SPIDR: variants seen among roughly 807,000 people sequenced by gnomAD.
The protein encoded by SPIDR is DNA repair-scaffolding protein.
SPIDR carries 93 observed loss-of-function variants against 104.6 expected under a neutral mutation model. The observed-to-expected ratio is 0.89, with a 90% confidence interval of 0.75 to 1.06. The LOEUF is 1.06. Ranked by LOEUF, SPIDR falls within the 50% of genes least tolerant of loss-of-function variation. The pLI, the probability that SPIDR is intolerant of heterozygous loss-of-function variation, is 0.00. For missense variants in SPIDR, 1,154 were observed against 1,111.2 expected (o/e 1.04, Z -0.55); for synonymous variants, 431 against 416.9 (o/e 1.03, Z -0.41).
chr8:47,566,958 C>T (rs887892201), intron 8 of SPIDR, among the ~76,000 whole-genome samples: 1 of 152,160 alleles, frequency 6.6e-6, no homozygotes, highest in Non-Finnish European at 1.5e-5. Flanking sequence ...ATTTATCATT[C>T]ATTCAGCAAA....
chr8:47,358,596 A>G (rs1554627501), intron 5 of SPIDR, among the ~76,000 whole-genome samples: 1 of 152,130 alleles, frequency 6.6e-6, no homozygotes, highest in African/African-American at 2.4e-5. Context: ...TCCCACAACA[A>G]TCTTGTGAAG....
At chr8:47,436,788 C>T (rs1346872702) in intron 7 of SPIDR, among the ~76,000 whole-genome samples, 1 of 152,168 alleles carries the variant, frequency 6.6e-6, no homozygotes, top group Non-Finnish European at 1.5e-5. Flanking sequence ...TTGCTTTTTT[C>T]TCTCTCAGAC....
intron 8 of SPIDR, among the ~76,000 whole-genome samples, chr8:47,588,214 G>A (rs1309180092): frequency 2.0e-5 from 3 of 149,186 alleles, no homozygotes; most frequent in African/African-American, 7.4e-5. Flanking sequence ...CCATAAATAT[G>A]TCTTCCATTT....
chr8:47,294,565 A>T (rs1306647409), intron 5 of SPIDR: 2 of 152,928 alleles, frequency 1.3e-5, no homozygotes, highest in African/African-American at 4.8e-5. Context: ...CTAGGAGGAT[A>T]CACAGGACTT....
At chr8:47,703,840 C>T (rs777822309) in intron 14 of SPIDR, among the ~76,000 whole-genome samples, 5 of 152,008 alleles carry the variant, frequency 3.3e-5, no homozygotes, top group East Asian at 1.9e-4. Context: ...CCTGGTGTCC[C>T]GTAGGTTGTA....
intron 5 of SPIDR, among the ~76,000 whole-genome samples, chr8:47,316,982 A>G (rs981882608): frequency 2.6e-5 from 4 of 152,204 alleles, no homozygotes; most frequent in Admixed American, 1.3e-4. Context: ...TGGAGCCAAG[A>G]TGGCTGAATG....
intron 7 of SPIDR, among the ~76,000 whole-genome samples, chr8:47,438,766 A>G (rs1554694214): frequency 6.6e-6 from 1 of 152,222 alleles, no homozygotes; most frequent in African/African-American, 2.4e-5. Context: ...TGTCCAAGAC[A>G]GTGCTTAGGG....
intron 6 of SPIDR, among the ~76,000 whole-genome samples, chr8:47,400,871 GA>G (rs745821064): frequency 6.6e-6 from 1 of 152,050 alleles, no homozygotes; most frequent in Non-Finnish European, 1.5e-5. Context: ...TGGTGTACCT[GA>G]AAGTTACAGG....
intron 5 of SPIDR, among the ~76,000 whole-genome samples, chr8:47,347,048 G>C (rs1005859337): frequency 6.6e-6 from 1 of 151,930 alleles, no homozygotes; most frequent in Non-Finnish European, 1.5e-5. Flanking sequence ...GTGATGTTAG[G>C]GTGTCGATTT....
intron 5 of SPIDR, among the ~76,000 whole-genome samples, chr8:47,322,075 G>A (rs1251931887): frequency 6.6e-5 from 10 of 152,206 alleles, no homozygotes; most frequent in Non-Finnish European, 1.0e-4. Context: ...CAATGGCAAC[G>A]AAAGCCAAAA....
chr8:47,432,372 G>A (rs910020474), intron 7 of SPIDR, among the ~76,000 whole-genome samples: 1 of 152,122 alleles, frequency 6.6e-6, no homozygotes, highest in African/African-American at 2.4e-5. Context: ...CTGGGTACAC[G>A]CAAAGTGCAG....
chr8:47,444,773 G>C (rs1563991062), intron 8 of SPIDR, among the ~76,000 whole-genome samples: 1 of 152,290 alleles, frequency 6.6e-6, no homozygotes, highest in East Asian at 1.9e-4. Flanking sequence ...GGTTGAAGCT[G>C]TCTCAGCTGC....
intron 10 of SPIDR, among the ~76,000 whole-genome samples, chr8:47,619,734 T>C (rs543160552): frequency 3.3e-5 from 5 of 151,974 alleles, no homozygotes; most frequent in African/African-American, 1.2e-4. Flanking sequence ...GCCTCTTGAG[T>C]AGCTGGAACC....
rs201858332 is a variant in SPIDR at position 47,429,765 on chromosome 8, CT to C, written c.878-10545del. Among the ~76,000 whole-genome samples the C allele has an allele frequency of 3.8e-3, 534 of 139,796 alleles. 3 individuals are homozygous for C. The highest frequency in any genetic ancestry group is 5.4e-3 in the African/African-American group (206 of 38,468). The allele number at this position is 139,796 out of a possible 152,430, so 91.7% of individuals were successfully genotyped here. A position where few individuals can be genotyped will look rare whatever the true frequency, so the allele number is the denominator to read the frequency against. ...TTTGTTAAACCTTGGGTTATTTCCA[CT>C]TTTTTTTTTTTTCTGGTCTGTACTT... On this transcript the variant is annotated intron_variant, in intron 7 of 19. Coordinates refer to ENST00000297423, the MANE Select transcript of SPIDR (RefSeq NM_001080394.4).
chr8:47,386,432 T>C (rs1283321052), intron 5 of SPIDR, among the ~76,000 whole-genome samples: 3 of 152,224 alleles, frequency 2.0e-5, no homozygotes, highest in African/African-American at 4.8e-5. Flanking sequence ...TTGGTTACAC[T>C]GAGGCTCCTA....
intron 8 of SPIDR, among the ~76,000 whole-genome samples, chr8:47,490,984 T>TA (rs1554738949): frequency 1.3e-5 from 2 of 152,018 alleles, no homozygotes; most frequent in Admixed American, 1.3e-4. Context: ...CCCTAGAACT[T>TA]AAAGTATAAT....
intron 7 of SPIDR, among the ~76,000 whole-genome samples, chr8:47,421,553 G>GCA (rs1554680690): frequency 1.3e-5 from 2 of 152,158 alleles, no homozygotes; most frequent in African/African-American, 4.8e-5. Flanking sequence ...CCATGGGTTT[G>GCA]AACTTCCTGC....
At position 47,503,627 on chromosome 8, in the gene SPIDR, C is replaced by T. The variant is rs574507245; in HGVS notation, c.1097+63085C>T. On this transcript the variant is annotated intron_variant, in intron 8 of 19. Transcript: ENST00000297423. ...TGTCTTTTAATTGGCGCATTTAGCC[C>T]ATTCACATTTAAGGTTAATATTGTT... Among the ~76,000 whole-genome samples the T allele has an allele frequency of 2.8e-3, 420 of 152,260 alleles. 1 individual carries two copies. Among genetic ancestry groups the T allele is most frequent in the African/African-American group, 9.8e-3 (409 of 41,544 alleles).
At chr8:47,471,896 T>C (rs2075762491) in intron 8 of SPIDR, among the ~76,000 whole-genome samples, 1 of 152,244 alleles carries the variant, frequency 6.6e-6, no homozygotes, top group South Asian at 2.1e-4. Context: ...AATGGGTATA[T>C]TGAATTAAGG....
Sources: gnomAD v4.1 joint callset for allele counts (sites outside exome capture counted in the v4.1 genomes callset) on GRCh38, gnomAD v4.1.1 for gene constraint, MANE v1.5 for transcripts, NCBI Gene and HGNC (gene_info 2026-07-23, HGNC 2026-07-21) for gene names.